Variants in BACH1 observed in about 807,000 individuals in gnomAD.
The protein encoded by BACH1 is transcription regulator protein BACH1.
Under a neutral mutation model 52.9 loss-of-function variants are expected in BACH1, and 35 were observed. The ratio of observed to expected loss-of-function variants is 0.66; its 90% CI spans 0.51 to 0.88. BACH1 has a LOEUF of 0.88. BACH1 is among the 40% of genes least tolerant of loss of function. The probability of loss-of-function intolerance (pLI) is 0.00; values close to 1 mark genes in which losing one functional copy is unlikely to be tolerated. For synonymous variants in BACH1, 321 were observed against 319.6 expected, an observed-to-expected ratio of 1.00 and a Z score of -0.05; for missense variants, 808 against 872.6, an observed-to-expected ratio of 0.93 and a Z score of 0.93.
chr21:29,358,812 A>AAGAAAGAAAGAG (rs370582692), intron 2 of BACH1, among the ~76,000 whole-genome samples: 1 of 146,570 alleles, frequency 6.8e-6, no homozygotes, highest in Non-Finnish European at 1.5e-5. Flanking sequence ...GAAAGAAAGA[A>AAGAAAGAAAGAG]AGAAGAAAGA....
intron 1 of BACH1, among the ~76,000 whole-genome samples, chr21:29,308,936 A>G (rs1235596260): frequency 6.6e-6 from 1 of 152,174 alleles, no homozygotes; most frequent in Admixed American, 6.5e-5. Context: ...GAGATTGGTT[A>G]TATGATCTAG....
At chr21:29,318,769 C>T (rs904569672) in intron 1 of BACH1, among the ~76,000 whole-genome samples, 2 of 152,142 alleles carry the variant, frequency 1.3e-5, no homozygotes, top group African/African-American at 4.8e-5. Context: ...CCTTGAGATT[C>T]AAAGAACCTT....
chr21:29,351,815 T>G, intron 2 of BACH1: 1 of 514,636 alleles, frequency 1.9e-6, no homozygotes, highest in Non-Finnish European at 4.0e-6. Flanking sequence ...TAAGATAAGG[T>G]AGGAGAATTT....
chr21:29,329,336 T>A, intron 3 of BACH1, 151 bp from the exon 4 acceptor site: 7 of 473,870 alleles, frequency 1.5e-5, no homozygotes, highest in South Asian at 1.3e-4. Flanking sequence ...GATATCCTTT[T>A]GAGATTGTAT....
rs369933500 is a variant in BACH1, at chr21:29,318,526, G to A, written c.-60-2695G>A. ...CTCTCAGCTGCAGCTGACAGGACTTGGGGTTGGCATCTCGCCCAGGGGCAG... is the reference window on the plus strand; with the variant it reads ...CTCTCAGCTGCAGCTGACAGGACTTAGGGTTGGCATCTCGCCCAGGGGCAG... On this transcript the variant is annotated intron_variant, in intron 1 of 4. Transcript: ENST00000286800. 5.1e-4 allele frequency among the ~76,000 whole-genome samples: 77 copies of A among 152,358 alleles called. 1 individual carries two copies. In the South Asian group the frequency reaches 0.016, roughly 31 times the overall value.
rs2088729407 is a variant in BACH1, at chr21:29,312,027, CAGCGCTA to C, written c.-60-9193_-60-9187del. On this transcript the variant is annotated intron_variant, in intron 1 of 4. Transcript: ENST00000286800. ...TGTCCACCCATAGGTATCCCTAGAG[CAGCGCTA>C]GCTGCTGTTTGGCAGTTTCTGGAGA... Among the ~76,000 whole-genome samples the C allele has an allele frequency of 3.3e-5, 5 of 152,350 alleles. No individual in the cohort carries two copies. In the South Asian group the frequency reaches 8.3e-4, roughly 25 times the overall value.
At chr21:29,323,426 A>G (rs2088872147) in intron 2 of BACH1, among the ~76,000 whole-genome samples, 1 of 152,230 alleles carries the variant, frequency 6.6e-6, no homozygotes, top group Admixed American at 6.5e-5. Flanking sequence ...TAAGTCTGAG[A>G]GTCCAAAGGC....
At chr21:29,332,644 T>G (rs961803105) in intron 4 of BACH1, among the ~76,000 whole-genome samples, 5 of 152,212 alleles carry the variant, frequency 3.3e-5, no homozygotes, top group Non-Finnish European at 7.3e-5. Context: ...CCCGCTTCGC[T>G]CTCTATCCGA....
chr21:29,325,519 T>A (rs2088900081), intron 2 of BACH1, among the ~76,000 whole-genome samples: 1 of 152,252 alleles, frequency 6.6e-6, no homozygotes, highest in Non-Finnish European at 1.5e-5. Context: ...ACTTTTACTG[T>A]TAGGAATTTT....
intron 4 of BACH1, among the ~76,000 whole-genome samples, chr21:29,334,167 G>A (rs2089017981): frequency 6.6e-6 from 1 of 150,928 alleles, no homozygotes; most frequent in African/African-American, 2.4e-5. Context: ...GGTCGGTCTT[G>A]GCTCACTGTA....
downstream of BACH1, among the ~76,000 whole-genome samples, chr21:29,350,036 C>T (rs2089193348): frequency 3.3e-5 from 5 of 152,188 alleles, no homozygotes; most frequent in Non-Finnish European, 7.4e-5. Flanking sequence ...CACAGAAAGT[C>T]ATTCTCTGAG....
At chr21:29,352,552 C>T (rs1197055068) in intron 2 of BACH1, 2 of 152,010 alleles carry the variant, frequency 1.3e-5, no homozygotes, top group African/African-American at 4.8e-5. Flanking sequence ...GCATTGAATG[C>T]CTTCTTTAAT....
rs1170853744 is a variant in BACH1 at position 29,345,864 on chromosome 21, TA to T, written c.*3034del. ...GAAACTTGTTGGGTAGAATGAAAAT[TA>T]AAGCCATAATGGTAGAAGATGGCAT... On this transcript the variant is annotated 3_prime_UTR_variant, in exon 5 of 5. Transcript: ENST00000286800. The T allele has an allele frequency of 2.0e-5, 3 of 152,638 alleles. No individual in the cohort carries two copies. Among genetic ancestry groups the T allele is most frequent in the Admixed American group, 2.0e-4 (3 of 15,286 alleles). 9.5% of individuals were successfully genotyped at this position (152,638 alleles called of 1,614,324 possible).
intron 1 of BACH1, among the ~76,000 whole-genome samples, chr21:29,314,570 C>G (rs192434821): frequency 2.6e-4 from 39 of 152,182 alleles, no homozygotes; most frequent in African/African-American, 9.2e-4. Flanking sequence ...TAATCATGAG[C>G]TGCAAAAATT....
intron 2 of BACH1, chr21:29,351,529 G>T (rs932982662): frequency 2.1e-6 from 1 of 467,748 alleles, no homozygotes; most frequent in Non-Finnish European, 4.5e-6. Context: ...GAAGGAACTC[G>T]TTTTTTAAGC....
chr21:29,327,903 G>A (rs1448855623), intron 3 of BACH1, among the ~76,000 whole-genome samples: 1 of 152,174 alleles, frequency 6.6e-6, no homozygotes, highest in African/African-American at 2.4e-5. Flanking sequence ...GTTTCCAGTA[G>A]ATATATTAAC....
At chr21:29,306,157 T>A (rs188377521) in intron 1 of BACH1, among the ~76,000 whole-genome samples, 1 of 145,742 alleles carries the variant, frequency 6.9e-6, no homozygotes, top group African/African-American at 2.6e-5. Context: ...AGGGAGAAGT[T>A]GGGTCAGGAA....
chr21:29,325,577 C>T (rs528388509), intron 2 of BACH1, among the ~76,000 whole-genome samples: 2 of 152,164 alleles, frequency 1.3e-5, no homozygotes, highest in Non-Finnish European at 2.9e-5. Flanking sequence ...TACCATGGAT[C>T]AAGACTTTGT....
intron 1 of BACH1, 37 bp downstream of exon 1, chr21:29,298,990 G>A (rs911223711): frequency 9.2e-5 from 14 of 151,990 alleles, no homozygotes; most frequent in African/African-American, 2.7e-4. Flanking sequence ...CCTTCTCCGG[G>A]AGGGTTGGCG....
Sources: allele counts gnomAD v4.1 joint callset (sites outside exome capture counted in the v4.1 genomes callset), GRCh38; gene constraint gnomAD v4.1.1; transcripts MANE v1.5; gene names NCBI Gene and HGNC (gene_info 2026-07-23, HGNC 2026-07-21).